The following DCDC1 variants were observed in gnomAD, a reference collection of about 807,000 sequenced individuals.
DCDC1 encodes doublecortin domain-containing protein 1.
In DCDC1, 200 loss-of-function variants were observed where a neutral mutation model predicts 178.3. The observed-to-expected ratio is 1.12, with a 90% CI of 1.00 to 1.26. The LOEUF is 1.26. DCDC1 is among the 50% of genes most tolerant of loss of function. The pLI, the probability that DCDC1 is intolerant of heterozygous loss-of-function variation, is 0.00. For synonymous variants in DCDC1, 690 were observed against 604.8 expected (o/e 1.14, Z -2.07); for missense variants, 1,983 against 1,749.2 (o/e 1.13, Z -2.38).
chr11:30,916,815 G>A (rs1434276878), intron 26 of DCDC1, 55 bp downstream of exon 26: 2 of 1,513,890 alleles, frequency 1.3e-6, no homozygotes, highest in South Asian at 1.5e-5. Flanking sequence ...GTCCCAAGGT[G>A]AGAAAACTAA....
chr11:31,046,615 G>GAAAA (rs4067329), intron 20 of DCDC1, among the ~76,000 whole-genome samples: 10 of 140,492 alleles, frequency 7.1e-5, no homozygotes, highest in African/African-American at 1.3e-4. Flanking sequence ...GCCTCAGTAA[G>GAAAA]AAAAAAAAAA....
At chr11:31,206,660 C>A (rs1257175381) in intron 9 of DCDC1, among the ~76,000 whole-genome samples, 1 of 152,048 alleles carries the variant, frequency 6.6e-6, no homozygotes, top group African/African-American at 2.4e-5. Flanking sequence ...TGATCCGCCC[C>A]CCTCAGTCCC....
At chr11:31,240,250 A>G (rs1032172735) in intron 9 of DCDC1, among the ~76,000 whole-genome samples, 2 of 152,046 alleles carry the variant, frequency 1.3e-5, no homozygotes, top group African/African-American at 4.8e-5. Context: ...AAAATATTTT[A>G]TACTAGTTTC....
In DCDC1 at chr11:31,307,854, C is replaced by G. The variant is rs768763910; in HGVS notation, c.219G>C (p.Leu73Phe). 16 of 1,613,962 alleles carry G rather than the reference C, an allele frequency of 9.9e-6. No individual in the cohort carries two copies. The Admixed American group carries it at 2.5e-4, about 25-fold the overall frequency. The change falls in exon 4 of 39, where the codon TTG (leucine) becomes TTC (phenylalanine). Residue 73 changes from leucine to phenylalanine, a missense_variant. Transcript: ENST00000684477. ...GTCTGTTGGGGCCAAACTGAGACTG[C>G]AAATAATCATCAGTAGTTTTAATAA... The part of the protein sequence containing the change: ...KAVIKTTDDY[L>F]QSQFGPNRLV...
At chr11:30,913,850 G>A (rs910755528) in intron 27 of DCDC1, among the ~76,000 whole-genome samples, 2 of 152,152 alleles carry the variant, frequency 1.3e-5, no homozygotes, top group Non-Finnish European at 2.9e-5. Context: ...TTCTCTTGCC[G>A]TAGGGTCACA....
chr11:31,043,023 T>C (rs11824421), intron 20 of DCDC1, among the ~76,000 whole-genome samples: 51,858 of 152,156 alleles, frequency 0.34, 9,225 homozygotes, highest in Middle Eastern at 0.38. Context: ...AAATCTGAGA[T>C]GGTATCGCCT....
chr11:31,091,298 T>C (rs909700278), intron 17 of DCDC1, 95 bp downstream of exon 17: 17 of 575,414 alleles, frequency 3.0e-5, no homozygotes, highest in Non-Finnish European at 5.0e-5. Flanking sequence ...ATTGAATGAA[T>C]ATTCAATCCA....
chr11:30,968,409 A>G (rs1356325891), intron 20 of DCDC1, among the ~76,000 whole-genome samples: 1 of 152,048 alleles, frequency 6.6e-6, no homozygotes, highest in Non-Finnish European at 1.5e-5. Flanking sequence ...TTCAGAAACA[A>G]GCGATCAACC....
chr11:31,326,358 G>A (rs1016904770), intron 3 of DCDC1, among the ~76,000 whole-genome samples: 8 of 144,278 alleles, frequency 5.5e-5, no homozygotes, highest in South Asian at 2.2e-4. Context: ...GTGAAAATAC[G>A]TTTAGCTTTA....
intron 1 of DCDC1, among the ~76,000 whole-genome samples, chr11:31,337,121 C>T (rs189621536): frequency 6.6e-6 from 1 of 152,298 alleles, no homozygotes; most frequent in African/African-American, 2.4e-5. Context: ...CTGACATTCT[C>T]TTGAAGTAAA....
chr11:31,008,035 G>A (rs1951957145), intron 20 of DCDC1, among the ~76,000 whole-genome samples: 1 of 152,158 alleles, frequency 6.6e-6, no homozygotes, highest in Admixed American at 6.5e-5. Flanking sequence ...CGGAAGTGCA[G>A]AGGGCACTAA....
chr11:30,984,267 A>G (rs1950531650), intron 20 of DCDC1, among the ~76,000 whole-genome samples: 2 of 152,074 alleles, frequency 1.3e-5, no homozygotes, highest in African/African-American at 4.8e-5. Context: ...ACGTGTGTAT[A>G]CAGAACTGTG....
chr11:31,282,645 A>C (rs967394545), intron 7 of DCDC1, among the ~76,000 whole-genome samples: 1 of 152,230 alleles, frequency 6.6e-6, no homozygotes, highest in East Asian at 1.9e-4. Flanking sequence ...AAGTGAATGT[A>C]CCAGGTACAT....
At chr11:30,897,184 C>T (rs767944692) in intron 34 of DCDC1, among the ~76,000 whole-genome samples, 4 of 152,160 alleles carry the variant, frequency 2.6e-5, no homozygotes, top group Non-Finnish European at 5.9e-5. Flanking sequence ...TATGTTAGCA[C>T]TCAATTCTAA....
intron 20 of DCDC1, among the ~76,000 whole-genome samples, chr11:31,044,109 C>G (rs936391967): frequency 6.6e-6 from 1 of 152,054 alleles, no homozygotes; most frequent in African/African-American, 2.4e-5. Flanking sequence ...GCAAGCATAA[C>G]CTACTTACAT....
At chr11:31,047,661 A>T (rs369842322) in intron 20 of DCDC1, among the ~76,000 whole-genome samples, 1 of 152,178 alleles carries the variant, frequency 6.6e-6, no homozygotes, top group Non-Finnish European at 1.5e-5. Context: ...TAATGTGACT[A>T]TAGTTTGTCA....
At chr11:31,303,645 C>T (rs1948266719) in intron 6 of DCDC1, among the ~76,000 whole-genome samples, 1 of 152,040 alleles carries the variant, frequency 6.6e-6, no homozygotes, top group South Asian at 2.1e-4. Flanking sequence ...TATATGTTTA[C>T]ATTTATATTC....
At chr11:31,332,013 C>CT (rs551723181) in intron 2 of DCDC1, among the ~76,000 whole-genome samples, 42 of 152,196 alleles carry the variant, frequency 2.8e-4, no homozygotes, top group African/African-American at 8.9e-4. Flanking sequence ...TGGTCCTGAA[C>CT]TTTTTTTGGT....
At chr11:31,220,725 T>G (rs1974170632) in intron 9 of DCDC1, among the ~76,000 whole-genome samples, 1 of 152,246 alleles carries the variant, frequency 6.6e-6, no homozygotes, top group African/African-American at 2.4e-5. Context: ...AAGAAGACTC[T>G]ATTAGTCAGC....
Sources: gnomAD v4.1 joint callset for allele counts (sites outside exome capture counted in the v4.1 genomes callset) on GRCh38, gnomAD v4.1.1 for gene constraint, MANE v1.5 for transcripts, NCBI Gene and HGNC (gene_info 2026-07-23, HGNC 2026-07-21) for gene names.